NUFIP2: variants seen among roughly 807,000 people sequenced by gnomAD.
NUFIP2 encodes FMR1-interacting protein NUFIP2.
NUFIP2 carries 6 observed loss-of-function variants against 56.9 expected under a neutral mutation model. The ratio of observed to expected loss-of-function variants is 0.11; its 90% confidence interval spans 0.06 to 0.21. The LOEUF (loss-of-function observed/expected upper bound fraction) is 0.21, where lower values mean the gene tolerates loss of function less well. Among genes scored for constraint, NUFIP2 ranks in the 10% least tolerant of loss-of-function variants. NUFIP2 has a pLI of 1.00. For missense variants in NUFIP2, 828 were observed against 826.8 expected (o/e 1.00, Z -0.02); for synonymous variants, 321 against 298.2 (o/e 1.08, Z -0.79).
At chr17:29,270,659 G>A (rs1022612592) in intron 2 of NUFIP2, among the ~76,000 whole-genome samples, 7 of 151,944 alleles carry the variant, frequency 4.6e-5, no homozygotes, top group African/African-American at 1.7e-4. Flanking sequence ...CTACTGCAAA[G>A]ATAAATCTAT....
intron 2 of NUFIP2, among the ~76,000 whole-genome samples, chr17:29,282,052 G>A (rs1028499146): frequency 2.6e-5 from 4 of 151,364 alleles, no homozygotes; most frequent in East Asian, 3.9e-4. Context: ...GTGAGCCACC[G>A]CACCCAGCAC....
At chr17:29,285,518 G>C (rs1278437337) in intron 2 of NUFIP2, among the ~76,000 whole-genome samples, 2 of 125,188 alleles carry the variant, frequency 1.6e-5, no homozygotes, top group Non-Finnish European at 3.6e-5. Context: ...TTGAACCTGG[G>C]AGGTGGAGGT....
At chr17:29,285,561 A>G (rs982302032) in intron 2 of NUFIP2, among the ~76,000 whole-genome samples, 2 of 152,170 alleles carry the variant, frequency 1.3e-5, no homozygotes, top group African/African-American at 2.4e-5. Flanking sequence ...ACTGCACTCC[A>G]GCCTGGCAAG....
chr17:29,274,889 C>T (rs2069097886), intron 2 of NUFIP2, among the ~76,000 whole-genome samples: 1 of 151,982 alleles, frequency 6.6e-6, no homozygotes, highest in African/African-American at 2.4e-5. Flanking sequence ...TCCATATCAT[C>T]TAATGACAAA....
rs1362313307 is a variant in NUFIP2, at chr17:29,287,171, C to T, written c.823G>A (p.Gly275Ser). ...YSEQKGNRVDGSKPIWKYETG... is the reference protein window; with the variant it reads ...YSEQKGNRVDSSKPIWKYETG... ...TCATACTTCCAAATGGGCTTCGAACCATCTACTCGATTTCCCTTTTGTTCA... is the reference window on the plus strand; with the variant it reads ...TCATACTTCCAAATGGGCTTCGAACTATCTACTCGATTTCCCTTTTGTTCA... The change falls in exon 2 of 4, where the codon GGT becomes AGT. Residue 275 changes from glycine to serine, a missense_variant. Transcript: ENST00000225388. 10 of 1,614,068 alleles carry T rather than the reference C, an allele frequency of 6.2e-6. No homozygotes were observed. In the African/African-American group the frequency reaches 1.2e-4, roughly 19 times the overall value.
chr17:29,290,622 C>T (rs1274078904), intron 1 of NUFIP2, among the ~76,000 whole-genome samples: 1 of 150,738 alleles, frequency 6.6e-6, no homozygotes, highest in Non-Finnish European at 1.5e-5. Context: ...GCACTGCACT[C>T]CAGCCTGGGC....
chr17:29,286,107 A>G lies in NUFIP2; in HGVS notation c.1887T>C (p.Ser629=). ...CAGAGCCTAACAAAGTGTTCGTAGG[A>G]GAGGCCAGAGGATTTTGACTTTCTA... The part of the protein sequence containing the change: ...YEIESQNPLA[S]PTNTLLGSAK... Residue 629 remains serine (S), a synonymous_variant, in exon 2 of 4, where the codon TCT becomes TCC. Transcript: ENST00000225388. 1 of 1,614,114 alleles carries G rather than the reference A, an allele frequency of 6.2e-7. No homozygotes were observed. The highest frequency in any genetic ancestry group is 8.5e-7 in the Non-Finnish European group (1 of 1,179,982).
intron 2 of NUFIP2, among the ~76,000 whole-genome samples, chr17:29,272,692 GTT>G (rs1320487746): frequency 6.6e-6 from 1 of 152,102 alleles, no homozygotes; most frequent in African/African-American, 2.4e-5. Flanking sequence ...GACCAGAAGT[GTT>G]TTAGATTTTG....
chr17:29,270,997 C>T lies in NUFIP2; in HGVS notation c.2003-3467G>A, dbSNP rs150269044. 4.5e-3 allele frequency among the ~76,000 whole-genome samples: 692 copies of T among 152,228 alleles called. 1 individual carries two copies. Among genetic ancestry groups the T allele is most frequent in the Non-Finnish European group, 7.1e-3 (486 of 68,010 alleles). ...CTACTTTAAAAACAAAGCAAACATACATATTTTAGAATAAAGAAGGCAAAA... is the reference window on the plus strand; with the variant it reads ...CTACTTTAAAAACAAAGCAAACATATATATTTTAGAATAAAGAAGGCAAAA... On this transcript the variant is annotated intron_variant, in intron 2 of 3. Transcript: ENST00000225388.
Position 29,286,365 on chromosome 17 carries a change from A to G in NUFIP2, c.1629T>C (p.Thr543=). 1.2e-6 allele frequency: 2 copies of G among 1,614,194 alleles called. No individual in the cohort carries two copies. The highest frequency in any genetic ancestry group is 1.7e-6 in the Non-Finnish European group (2 of 1,180,038). ...EVTFQGEYPA[T]LVSQGAEIIP... ...TTATTTCAGCACCCTGTGAAACCAA[A>G]GTAGCAGGATATTCTCCTTGAAATG... Residue 543 remains threonine (T), a synonymous_variant, in exon 2 of 4, where the codon ACT becomes ACC. Transcript: ENST00000225388.
chr17:29,272,461 C>T (rs917539305), intron 2 of NUFIP2, among the ~76,000 whole-genome samples: 4 of 152,158 alleles, frequency 2.6e-5, no homozygotes, highest in East Asian at 1.9e-4. Flanking sequence ...AGGATGGTCT[C>T]GATCTCCTGA....
intron 2 of NUFIP2, among the ~76,000 whole-genome samples, chr17:29,279,975 T>C (rs1488360027): frequency 6.6e-6 from 1 of 152,036 alleles, no homozygotes; most frequent in African/African-American, 2.4e-5. Flanking sequence ...TGCACCACTA[T>C]GCCTGGCTAA....
intron 2 of NUFIP2, among the ~76,000 whole-genome samples, chr17:29,284,728 GA>G (rs1189302052): frequency 1.8e-5 from 2 of 111,328 alleles, no homozygotes; most frequent in South Asian, 5.8e-4. Flanking sequence ...AAAAAAAAAA[GA>G]AAAAAAAGAA....
At position 29,261,281 on chromosome 17, in the gene NUFIP2, TTC is replaced by T. The variant is rs1598427925; in HGVS notation, c.*3256_*3257del. ...TAAGGATTTAAACCACCTGACTTTT[TTC>T]TGTGTAATGAAAACAAATGGCACAA... On this transcript the variant is annotated 3_prime_UTR_variant, in exon 4 of 4. Coordinates refer to ENST00000225388, the MANE Select transcript of NUFIP2 (RefSeq NM_020772.3). The T allele has an allele frequency of 6.6e-6, 1 of 152,250 alleles. No individual in the cohort carries two copies. Among genetic ancestry groups the T allele is most frequent in the East Asian group, 1.9e-4 (1 of 5,194 alleles). The allele number at this position is 152,250 out of a possible 1,614,324, so 9.4% of individuals were successfully genotyped here. A position where few individuals can be genotyped will look rare whatever the true frequency, so the allele number is the denominator to read the frequency against.
At chr17:29,272,885 T>C (rs953364314) in intron 2 of NUFIP2, among the ~76,000 whole-genome samples, 1 of 151,834 alleles carries the variant, frequency 6.6e-6, no homozygotes, top group African/African-American at 2.4e-5. Flanking sequence ...AGAGTCTTGC[T>C]GTCGCCCAGG....
Position 29,259,356 on chromosome 17 carries a change from C to G in NUFIP2, c.*5183G>C, listed in dbSNP as rs1408791873. 1.3e-5 allele frequency: 2 copies of G among 152,068 alleles called. No individual in the cohort carries two copies. Among genetic ancestry groups the G allele is most frequent in the Non-Finnish European group, 2.9e-5 (2 of 68,100 alleles). The allele number at this position is 152,068 out of a possible 1,614,324, so 9.4% of individuals were successfully genotyped here. A position where few individuals can be genotyped will look rare whatever the true frequency, so the allele number is the denominator to read the frequency against. ...CAGCACTTTGGGAGGCTGAGGCGGG[C>G]AGATTGCCTGAGGTCAGGAGTTCGA... On this transcript the variant is annotated 3_prime_UTR_variant, in exon 4 of 4. Transcript: ENST00000225388.
At chr17:29,292,739 C>T (rs941346762) in intron 1 of NUFIP2, among the ~76,000 whole-genome samples, 6 of 149,872 alleles carry the variant, frequency 4.0e-5, no homozygotes, top group African/African-American at 1.5e-4. Context: ...GCGGGAAACG[C>T]GGCCGCTGGC....
chr17:29,267,371 G>C (rs1310142149), intron 3 of NUFIP2, 127 bp downstream of exon 3: 3 of 586,184 alleles, frequency 5.1e-6, no homozygotes, highest in Non-Finnish European at 9.1e-6. Context: ...CCTTTTGATT[G>C]CAGTTATTAA....
Position 29,279,688 on chromosome 17 carries a change from A to AT in NUFIP2, c.2002+6303dup, listed in dbSNP as rs1005733917. On this transcript the variant is annotated intron_variant, in intron 2 of 3. Coordinates refer to ENST00000225388, the MANE Select transcript of NUFIP2 (RefSeq NM_020772.3). The stretch of plus-strand genomic sequence containing the variant: ...CCACCATGCCCAGCTAATGCTTCAA[A>AT]TTTTTTTGTAGAAATCAGGACTTGC... Among the ~76,000 whole-genome samples, 47 of 152,042 alleles carry AT rather than the reference A, an allele frequency of 3.1e-4. 1 individual carries two copies. Among genetic ancestry groups the AT allele is most frequent in the Admixed American group, 1.2e-3 (18 of 15,230 alleles).
Sources: allele counts gnomAD v4.1 joint callset (sites outside exome capture counted in the v4.1 genomes callset), GRCh38; gene constraint gnomAD v4.1.1; transcripts MANE v1.5; gene names NCBI Gene and HGNC (gene_info 2026-07-23, HGNC 2026-07-21).